Variants in PLCXD1 observed in about 807,000 individuals in gnomAD.
PLCXD1 encodes phosphatidylinositol specific phospholipase C X domain containing 1, also known as PI-PLC X domain-containing protein 1.
PLCXD1 carries 45 observed loss-of-function variants against 37.8 expected under a neutral mutation model. That is an observed-to-expected ratio of 1.19 (90% confidence interval 0.94 to 1.53). The LOEUF (loss-of-function observed/expected upper bound fraction) is 1.53, where lower values mean the gene tolerates loss of function less well. Ranked by LOEUF, PLCXD1 falls within the 40% of genes most tolerant of loss-of-function variation. PLCXD1 has a pLI of 0.00. For missense variants in PLCXD1, 539 were observed against 454.7 expected (o/e 1.19, Z -1.69); for synonymous variants, 246 against 206.9 (o/e 1.19, Z -1.62).
rs757110731 is a variant in PLCXD1 at position 284,332 on chromosome X, C to T, written c.127+18C>T. The T allele has an allele frequency of 4.4e-5, 71 of 1,612,218 alleles. No homozygotes were observed. In the Admixed American group the frequency reaches 5.8e-4, roughly 13 times the overall value. On this transcript the variant is annotated intron_variant, in intron 2 of 6. Coordinates refer to ENST00000381657, the MANE Select transcript of PLCXD1 (RefSeq NM_018390.4). ...CATCCCAGGTGAGGTTGGGGTGGGG[C>T]AGGGGCCGTTGCCTCTATCCCAGGT...
chrX:300,487 T>C lies in PLCXD1; in HGVS notation c.*1152T>C, dbSNP rs2069974424. 1 of 122,314 alleles carries C rather than the reference T, an allele frequency of 8.2e-6. No homozygotes were observed. Among genetic ancestry groups the C allele is most frequent in the South Asian group, 2.6e-4 (1 of 3,774 alleles). 7.6% of individuals were successfully genotyped at this position (122,314 alleles called of 1,614,324 possible). ...ATGTGTGTGTGTGTGTGTATATGTG[T>C]GTATGTGTGTATATATGTATATGTG... On this transcript the variant is annotated 3_prime_UTR_variant, in exon 7 of 7. Transcript: ENST00000381657.
At chrX:294,117 A>G (rs915150069) in intron 6 of PLCXD1, among the ~76,000 whole-genome samples, 1 of 151,422 alleles carries the variant, frequency 6.6e-6, no homozygotes, top group Non-Finnish European at 1.5e-5. Context: ...TGGGTGGATC[A>G]CCTGAGGTCA....
intron 2 of PLCXD1, among the ~76,000 whole-genome samples, 157 bp from the exon 3 acceptor site, chrX:288,576 G>A (rs1311228092): frequency 1.3e-5 from 2 of 152,116 alleles, no homozygotes; most frequent in Non-Finnish European, 2.9e-5. Flanking sequence ...TCCAGTGGAC[G>A]TGAGTTTTGG....
chrX:296,345 G>C (rs1395389779), intron 6 of PLCXD1, among the ~76,000 whole-genome samples: 2 of 151,094 alleles, frequency 1.3e-5, no homozygotes, highest in African/African-American at 4.9e-5. Context: ...GGCTGGTCTT[G>C]AACTCCTGAC....
rs1351779825 is a variant in PLCXD1, at chrX:299,139, A to G, written c.776A>G (p.Gln259Arg). ...GGCATCAACCTCACGGAGAACCTGC[A>G]GTACGTTCTGGCGCACCCGTCCGAG... ...VAGINLTENL[Q>R]YVLAHPSESL... The change falls in exon 7 of 7, where the codon CAG becomes CGG. Residue 259 changes from glutamine (Q) to arginine (R), a missense_variant. Transcript: ENST00000381657. The G allele has an allele frequency of 6.2e-7, 1 of 1,613,938 alleles. No individual in the cohort carries two copies.
Position 299,262 on chromosome X carries a change from C to T in PLCXD1, c.899C>T (p.Ala300Val), listed in dbSNP as rs755483758. 10 of 1,613,758 alleles carry T rather than the reference C, an allele frequency of 6.2e-6. No homozygotes were observed. The highest frequency in any genetic ancestry group is 2.7e-5 in the African/African-American group (2 of 74,904). ...GPGSRCTNII[A>V]GDFIGADGFV... Reference sequence around the variant, plus strand: ...GGTTCACGGTGCACCAACATCATCGCGGGGGACTTCATCGGCGCAGACGGC... The same window carrying T: ...GGTTCACGGTGCACCAACATCATCGTGGGGGACTTCATCGGCGCAGACGGC... The change falls in exon 7 of 7, where the codon GCG (alanine) becomes GTG (valine). Residue 300 changes from alanine (A) to valine (V), a missense_variant. Ala to Val is a moderately conservative substitution (Grantham distance 64, BLOSUM62 0). Transcript: ENST00000381657.
chrX:295,710 GT>G (rs2069784436), intron 6 of PLCXD1, among the ~76,000 whole-genome samples: 3 of 151,610 alleles, frequency 2.0e-5, no homozygotes, highest in Admixed American at 2.0e-4. Context: ...TGTATTTTTA[GT>G]AGAGACAGGG....
At chrX:296,188 T>C (rs924315381) in intron 6 of PLCXD1, among the ~76,000 whole-genome samples, 1 of 152,052 alleles carries the variant, frequency 6.6e-6, no homozygotes, top group African/African-American at 2.4e-5. Flanking sequence ...TGGCGTGATC[T>C]CGGCTCACTG....
At chrX:289,223 G>A (rs1277608074) in intron 3 of PLCXD1, among the ~76,000 whole-genome samples, 1 of 152,048 alleles carries the variant, frequency 6.6e-6, no homozygotes, top group African/African-American at 2.4e-5. Context: ...AAGTACCTGG[G>A]TCTACAGGCA....
chrX:294,617 C>G (rs1259474534), intron 6 of PLCXD1, among the ~76,000 whole-genome samples: 1 of 150,618 alleles, frequency 6.6e-6, no homozygotes, highest in East Asian at 2.0e-4. Flanking sequence ...GCGACAGGAG[C>G]AAGACTCCAT....
At chrX:295,329 G>A (rs781492223) in intron 6 of PLCXD1, among the ~76,000 whole-genome samples, 9 of 152,114 alleles carry the variant, frequency 5.9e-5, no homozygotes, top group Admixed American at 1.3e-4. Context: ...GGTCCTCCCC[G>A]CGGGGACGGT....
chrX:284,838 C>T (rs1161652272), intron 2 of PLCXD1, among the ~76,000 whole-genome samples: 2 of 152,336 alleles, frequency 1.3e-5, no homozygotes, highest in African/African-American at 4.8e-5. Context: ...AGCAAAGTCA[C>T]ATGTTACATG....
At chrX:286,113 C>T (rs1036437654) in intron 2 of PLCXD1, among the ~76,000 whole-genome samples, 30 of 151,514 alleles carry the variant, frequency 2.0e-4, no homozygotes, top group Admixed American at 1.1e-3. Context: ...CGCCCAGGCT[C>T]GAGTGCAGTG....
chrX:282,487 C>G (rs1340777706), intron 1 of PLCXD1, among the ~76,000 whole-genome samples: 1 of 151,854 alleles, frequency 6.6e-6, no homozygotes, highest in Non-Finnish European at 1.5e-5. Flanking sequence ...GGCAGATCAC[C>G]TGAGGTCAGG....
intron 2 of PLCXD1, among the ~76,000 whole-genome samples, chrX:286,304 A>G (rs1225625743): frequency 4.6e-5 from 7 of 152,184 alleles, no homozygotes; most frequent in East Asian, 1.9e-4. Context: ...ACCTCAGGCA[A>G]TCCACCTGCC....
chrX:296,039 C>T (rs1483282113), intron 6 of PLCXD1, among the ~76,000 whole-genome samples: 3 of 151,220 alleles, frequency 2.0e-5, no homozygotes, highest in Non-Finnish European at 4.4e-5. Flanking sequence ...CTCGAACTCC[C>T]GACCTCAGGT....
intron 4 of PLCXD1, 25 bp from the exon 5 acceptor site, chrX:291,474 C>A (rs1196852892): frequency 2.4e-5 from 38 of 1,611,628 alleles, no homozygotes; most frequent in Non-Finnish European, 3.1e-5. Context: ...TCGTGCAGGA[C>A]TCAGCCCAGC....
chrX:298,680 A>C (rs377049888), intron 6 of PLCXD1, among the ~76,000 whole-genome samples: 7 of 47,354 alleles, frequency 1.5e-4, no homozygotes, highest in Admixed American at 5.3e-4. Context: ...ATCTTTGGGG[A>C]CATTATTCTG....
In PLCXD1 at chrX:299,196, C is replaced by T. The variant is rs141404099; in HGVS notation, c.833C>T (p.Pro278Leu). 4.1e-4 allele frequency: 654 copies of T among 1,613,892 alleles called. No homozygotes were observed. Among genetic ancestry groups the T allele is most frequent in the Non-Finnish European group, 5.3e-4 (624 of 1,179,840 alleles). ...GAGAAGATGACGCTGCCCAACCTTC[C>T]GCGGCTGAGCGCGTGGGTCCGAGAG... The part of the protein sequence containing the change: ...SLEKMTLPNL[P>L]RLSAWVREQC... Residue 278 changes from proline to leucine, a missense_variant, in exon 7 of 7, where the codon CCG becomes CTG. Physicochemically the swap from Pro to Leu is moderately conservative, Grantham distance 98 (BLOSUM62 -3). Coordinates refer to ENST00000381657, the MANE Select transcript of PLCXD1 (RefSeq NM_018390.4).
Sources: allele counts gnomAD v4.1 joint callset (sites outside exome capture counted in the v4.1 genomes callset), GRCh38; gene constraint gnomAD v4.1.1; transcripts MANE v1.5; gene names NCBI Gene and HGNC (gene_info 2026-07-23, HGNC 2026-07-21).